SUPT3H: variants seen among roughly 807,000 people sequenced by gnomAD.
The protein encoded by SUPT3H is transcription initiation protein SPT3 homolog.
In SUPT3H, 44 loss-of-function variants were observed where a neutral mutation model predicts 44.3. That is an observed-to-expected ratio of 0.99 (90% CI 0.78 to 1.28). The LOEUF is 1.28. Among genes scored for constraint, SUPT3H ranks in the 50% most tolerant of loss-of-function variants. The probability of loss-of-function intolerance (pLI) is 0.00; values close to 1 mark genes in which losing one functional copy is unlikely to be tolerated. For synonymous variants in SUPT3H, 124 were observed against 125.6 expected (o/e 0.99, Z 0.09); for missense variants, 380 against 387.1 (o/e 0.98, Z 0.15).
intron 3 of SUPT3H, among the ~76,000 whole-genome samples, chr6:45,048,895 G>T (rs1299406865): frequency 6.6e-6 from 1 of 151,754 alleles, no homozygotes; most frequent in Non-Finnish European, 1.5e-5. Context: ...GGAGGGAGGG[G>T]TTATAGAAGG....
At chr6:45,192,379 A>G (rs1815285855) in intron 2 of SUPT3H, among the ~76,000 whole-genome samples, 1 of 152,172 alleles carries the variant, frequency 6.6e-6, no homozygotes, top group Non-Finnish European at 1.5e-5. Context: ...CTGATTAAGC[A>G]CAAGAATTAT....
At chr6:45,089,044 AAAATATC>A (rs1413471684) in intron 3 of SUPT3H, among the ~76,000 whole-genome samples, 1 of 152,054 alleles carries the variant, frequency 6.6e-6, no homozygotes, top group Non-Finnish European at 1.5e-5. Context: ...TATGGACTTC[AAAATATC>A]ATATGAATGG....
At chr6:44,890,541 T>C (rs1392090063) in intron 10 of SUPT3H, among the ~76,000 whole-genome samples, 4 of 138,446 alleles carry the variant, frequency 2.9e-5, no homozygotes, top group African/African-American at 1.1e-4. Context: ...TTCTCACTCA[T>C]AGGTGGGAAT....
intron 2 of SUPT3H, among the ~76,000 whole-genome samples, chr6:45,272,124 A>G (rs1776290656): frequency 6.6e-6 from 1 of 152,186 alleles, no homozygotes; most frequent in Admixed American, 6.5e-5. Flanking sequence ...CTTGTCTCAG[A>G]TGAGACTTGG....
At chr6:45,063,399 C>T (rs1230091039) in intron 3 of SUPT3H, among the ~76,000 whole-genome samples, 2 of 151,082 alleles carry the variant, frequency 1.3e-5, no homozygotes, top group Non-Finnish European at 1.5e-5. Flanking sequence ...AAATGCAGAG[C>T]GTCTCTCCTC....
chr6:45,245,319 A>T (rs142917596), intron 2 of SUPT3H, among the ~76,000 whole-genome samples: 3 of 152,268 alleles, frequency 2.0e-5, no homozygotes. Context: ...TATTGTAACC[A>T]TTCTTAAGGT....
chr6:45,152,932 T>C (rs531930877), intron 2 of SUPT3H, among the ~76,000 whole-genome samples: 2 of 152,334 alleles, frequency 1.3e-5, no homozygotes, highest in Non-Finnish European at 2.9e-5. Context: ...CATCTATATA[T>C]ACCTTCTACC....
chr6:45,153,522 CATT>C (rs768646497), intron 2 of SUPT3H, among the ~76,000 whole-genome samples: 11 of 152,144 alleles, frequency 7.2e-5, no homozygotes, highest in Non-Finnish European at 1.5e-4. Flanking sequence ...AACTATAATA[CATT>C]ATTAAAAATT....
chr6:44,908,190 C>T (rs1372354632), intron 10 of SUPT3H, among the ~76,000 whole-genome samples: 4 of 143,084 alleles, frequency 2.8e-5, no homozygotes, highest in African/African-American at 1.0e-4. Flanking sequence ...CTCGCTCTGT[C>T]ACTCAGGCTG....
chr6:44,993,000 C>T (rs1780796109), intron 6 of SUPT3H, among the ~76,000 whole-genome samples: 1 of 151,894 alleles, frequency 6.6e-6, no homozygotes, highest in African/African-American at 2.4e-5. Flanking sequence ...CCTGTCTCTA[C>T]AAAAATATGA....
At chr6:45,096,032 G>C (rs141025031) in intron 3 of SUPT3H, among the ~76,000 whole-genome samples, 1 of 152,078 alleles carries the variant, frequency 6.6e-6, no homozygotes, top group African/African-American at 2.4e-5. Flanking sequence ...GAGAAGGGAC[G>C]CTATGTTCCA....
chr6:45,101,357 G>A (rs748210168), intron 3 of SUPT3H, among the ~76,000 whole-genome samples: 9 of 152,200 alleles, frequency 5.9e-5, no homozygotes, highest in Non-Finnish European at 8.8e-5. Context: ...CCCGGGAGGC[G>A]GAGGTTGCGG....
intron 3 of SUPT3H, among the ~76,000 whole-genome samples, chr6:45,103,177 T>C (rs1392769685): frequency 1.3e-5 from 2 of 152,210 alleles, no homozygotes; most frequent in African/African-American, 2.4e-5. Flanking sequence ...CTGGATATTG[T>C]AGAGGTAAAC....
intron 2 of SUPT3H, among the ~76,000 whole-genome samples, chr6:45,319,487 C>T (rs1239223854): frequency 6.6e-6 from 1 of 152,040 alleles, no homozygotes; most frequent in Non-Finnish European, 1.5e-5. Context: ...TACTTAAAGC[C>T]ATCCCATTTA....
At chr6:45,105,504 A>G (rs1429018323) in intron 3 of SUPT3H, among the ~76,000 whole-genome samples, 1 of 152,200 alleles carries the variant, frequency 6.6e-6, no homozygotes, top group African/African-American at 2.4e-5. Context: ...CTATGTTTAC[A>G]CTATACTATA....
At chr6:45,221,969 A>T (rs1013365940) in intron 2 of SUPT3H, among the ~76,000 whole-genome samples, 1 of 152,162 alleles carries the variant, frequency 6.6e-6, no homozygotes, top group Non-Finnish European at 1.5e-5. Flanking sequence ...GCAGAAATGG[A>T]CCAAGCAAAT....
chr6:45,021,996 A>G (rs570224486), intron 3 of SUPT3H, among the ~76,000 whole-genome samples: 480 of 152,160 alleles, frequency 3.2e-3, no homozygotes, highest in Non-Finnish European at 5.3e-3. Context: ...AGCAGGCATG[A>G]ACATATTTTT....
At chr6:44,821,181 G>T (rs1403554008) in intron 11 of SUPT3H, among the ~76,000 whole-genome samples, 1 of 152,150 alleles carries the variant, frequency 6.6e-6, no homozygotes, top group Non-Finnish European at 1.5e-5. Context: ...TTCATGTATG[G>T]CTTGAAGAAG....
At chr6:45,076,194 C>T (rs1794982539) in intron 3 of SUPT3H, among the ~76,000 whole-genome samples, 1 of 152,066 alleles carries the variant, frequency 6.6e-6, no homozygotes, top group Non-Finnish European at 1.5e-5. Context: ...TTAAATGTTC[C>T]TGCCAAACAG....
Sources: allele counts gnomAD v4.1 joint callset (sites outside exome capture counted in the v4.1 genomes callset), GRCh38; gene constraint gnomAD v4.1.1; transcripts MANE v1.5; gene names NCBI Gene and HGNC (gene_info 2026-07-23, HGNC 2026-07-21).